The following AZIN2 variants were observed in gnomAD, a reference collection of about 807,000 sequenced individuals.
The protein encoded by AZIN2 is antizyme inhibitor 2.
A neutral mutation model predicts 47.8 loss-of-function variants in AZIN2; 28 were observed. The ratio of observed to expected loss-of-function variants is 0.59; its 90% CI spans 0.43 to 0.80. The LOEUF is 0.80. Among genes scored for constraint, AZIN2 ranks in the 30% least tolerant of loss-of-function variants. AZIN2 has a pLI of 0.00. For synonymous variants in AZIN2, 221 were observed against 239.4 expected, an observed-to-expected ratio of 0.92 and a Z score of 0.71; for missense variants, 535 against 582.5, an observed-to-expected ratio of 0.92 and a Z score of 0.84.
chr1:33,126,222 G>A (rs1415007451), downstream of AZIN2, among the ~76,000 whole-genome samples: 1 of 152,156 alleles, frequency 6.6e-6, no homozygotes, highest in Admixed American at 6.5e-5. Context: ...ACTGAATGAA[G>A]GAATGAATCT....
intron 10 of AZIN2, among the ~76,000 whole-genome samples, chr1:33,105,671 G>T (rs913482500): frequency 6.6e-6 from 1 of 152,130 alleles, no homozygotes; most frequent in African/African-American, 2.4e-5. Context: ...CTCCCAACAG[G>T]CCCCTCCCTC....
chr1:33,099,812 A>T (rs1183311844), intron 10 of AZIN2, among the ~76,000 whole-genome samples: 1 of 152,240 alleles, frequency 6.6e-6, no homozygotes, highest in African/African-American at 2.4e-5. Flanking sequence ...TGGGGCCCAC[A>T]GCCTGGCGGT....
chr1:33,157,694 C>T, the AZIN2 span, among the ~76,000 whole-genome samples: 1 of 151,984 alleles, frequency 6.6e-6, no homozygotes, highest in East Asian at 1.9e-4. Context: ...ATGAAGTGTC[C>T]AGGCCTCAGT....
downstream of AZIN2, among the ~76,000 whole-genome samples, chr1:33,126,723 G>A (rs1644859141): frequency 6.6e-6 from 1 of 152,158 alleles, no homozygotes; most frequent in African/African-American, 2.4e-5. Flanking sequence ...CCCCCCAATA[G>A]CGCTTTCTGT....
At chr1:33,088,691 A>C (rs1178213904) in intron 5 of AZIN2, among the ~76,000 whole-genome samples, 3 of 152,222 alleles carry the variant, frequency 2.0e-5, no homozygotes, top group East Asian at 1.9e-4. Flanking sequence ...TGAAGTGCTC[A>C]GCACTGCTTG....
At chr1:33,118,246 G>A (rs1205377511) in intron 11 of AZIN2, 130 bp downstream of exon 11, 5 of 1,049,716 alleles carry the variant, frequency 4.8e-6, no homozygotes, top group Non-Finnish European at 6.6e-6. Context: ...GGTCCCACGT[G>A]AGGGATGTGC....
At chr1:33,156,429 G>C in the AZIN2 span, among the ~76,000 whole-genome samples, 34 of 152,166 alleles carry the variant, frequency 2.2e-4, no homozygotes, top group Non-Finnish European at 4.1e-4. Context: ...GTTCTCCCAT[G>C]CTTGGCTCAG....
the AZIN2 span, among the ~76,000 whole-genome samples, chr1:33,153,200 C>T: frequency 6.6e-6 from 1 of 152,144 alleles, no homozygotes; most frequent in Non-Finnish European, 1.5e-5. Flanking sequence ...CCCCTCCCAT[C>T]TGGACATAAA....
chr1:33,105,769 T>C (rs931727708), intron 10 of AZIN2, among the ~76,000 whole-genome samples: 12 of 152,156 alleles, frequency 7.9e-5, no homozygotes, highest in Non-Finnish European at 1.6e-4. Context: ...ATTCAACAAA[T>C]GTGTATGAGC....
intron 10 of AZIN2, among the ~76,000 whole-genome samples, chr1:33,099,539 C>T (rs971075067): frequency 6.6e-6 from 1 of 152,222 alleles, no homozygotes; most frequent in Non-Finnish European, 1.5e-5. Flanking sequence ...CTCCAGTACT[C>T]GTCTTCCTGT....
the AZIN2 span, chr1:33,146,796 C>T: frequency 1.4e-5 from 4 of 277,400 alleles, no homozygotes; most frequent in African/African-American, 2.2e-5. Flanking sequence ...GTGTGTCTTT[C>T]GGGCTGCCAA....
rs148608107 is a variant in AZIN2, at chr1:33,094,514, T to C, written c.588-34T>C. On this transcript the variant is annotated intron_variant, in intron 7 of 11. Coordinates refer to ENST00000294517, the MANE Select transcript of AZIN2 (RefSeq NM_052998.4). ...GCTCAGGTGGTGGCACTTGGAGCCC[T>C]GCATGTCAGCCGAGGCTCTTCCTCT... is the stretch of plus-strand genomic sequence containing the variant. The C allele has an allele frequency of 1.3e-3, 2,059 of 1,594,786 alleles. 27 individuals carry two copies. In the African/African-American group the frequency reaches 0.024, roughly 19 times the overall value.
chr1:33,094,361 C>A (rs763710846), intron 7 of AZIN2, among the ~76,000 whole-genome samples, 187 bp from the exon 8 acceptor site: 2 of 152,226 alleles, frequency 1.3e-5, no homozygotes, highest in Non-Finnish European at 2.9e-5. Context: ...TTGGATCAAG[C>A]CTCCTGTCCA....
chr1:33,097,997 G>A, intron 9 of AZIN2, 70 bp from the exon 10 acceptor site: 1 of 1,152,902 alleles, frequency 8.7e-7, no homozygotes, highest in Non-Finnish European at 1.3e-6. Context: ...TGAGCCCACT[G>A]TTGTGTCAGC....
Position 33,081,859 on chromosome 1 carries a change from A to T in AZIN2, c.-73+47A>T, listed in dbSNP as rs913104883. On this transcript the variant is annotated intron_variant, in intron 3 of 11. Transcript: ENST00000294517. The surrounding 1 kb of genome is among the most constrained non-coding windows in gnomAD (Gnocchi z 4.2). ...GGCGCCCTGGAAACTTCCCCACCCA[A>T]GTTTCTCAGATTTTCTGTTCCATCT... is the stretch of plus-strand genomic sequence containing the variant. The T allele has an allele frequency of 7.5e-6, 2 of 265,064 alleles. No homozygotes were observed. The highest frequency in any genetic ancestry group is 7.4e-6 in the Non-Finnish European group (1 of 134,278). The allele number at this position is 265,064 out of a possible 1,614,324, so 16.4% of individuals were successfully genotyped here. A position where few individuals can be genotyped will look rare whatever the true frequency, so the allele number is the denominator to read the frequency against.
chr1:33,116,645 A>G (rs1644555281), intron 10 of AZIN2, among the ~76,000 whole-genome samples: 1 of 152,242 alleles, frequency 6.6e-6, no homozygotes. Context: ...TGGAATTTAT[A>G]GTCTTCAGGG....
In AZIN2 at chr1:33,123,241, C is replaced by T. The variant is rs1257949795; in HGVS notation, c.*3059C>T. On this transcript the variant is annotated 3_prime_UTR_variant, in exon 12 of 12. Coordinates refer to ENST00000294517, the MANE Select transcript of AZIN2 (RefSeq NM_052998.4). ...TCTCTCTTTTCTCTTAACTAGTTTT[C>T]TTTTTCTTCATAGTACCTACCACCA... 2.0e-5 allele frequency among the ~76,000 whole-genome samples: 3 copies of T among 152,134 alleles called. No homozygotes were observed. The highest frequency in any genetic ancestry group is 4.4e-5 in the Non-Finnish European group (3 of 68,014).
rs1256303699 is a variant in AZIN2, at chr1:33,122,235, T to A, written c.*2053T>A. 1.3e-5 allele frequency among the ~76,000 whole-genome samples: 2 copies of A among 152,186 alleles called. No homozygotes were observed. Among genetic ancestry groups the A allele is most frequent in the Non-Finnish European group, 2.9e-5 (2 of 68,026 alleles). On this transcript the variant is annotated 3_prime_UTR_variant, in exon 12 of 12. Coordinates refer to ENST00000294517, the MANE Select transcript of AZIN2 (RefSeq NM_052998.4). ...ATCCTGGGAAGATCTCATGGCTGGC[T>A]ACAGTGAGACCCAGGTGTAGCTGAT... is the stretch of plus-strand genomic sequence containing the variant.
At chr1:33,088,403 C>T (rs751112153) in intron 5 of AZIN2, among the ~76,000 whole-genome samples, 2 of 152,220 alleles carry the variant, frequency 1.3e-5, no homozygotes, top group Non-Finnish European at 2.9e-5. Flanking sequence ...TCATCTCCCC[C>T]AGGGCGATGG....
Sources: gnomAD v4.1 joint callset for allele counts (sites outside exome capture counted in the v4.1 genomes callset) on GRCh38, gnomAD v4.1.1 for gene constraint, Gnocchi (gnomAD v3.1) non-coding constraint, MANE v1.5 for transcripts, NCBI Gene and HGNC (gene_info 2026-07-23, HGNC 2026-07-21) for gene names.